PEBP1: variants seen among roughly 807,000 people sequenced by gnomAD.
The protein encoded by PEBP1 is phosphatidylethanolamine binding protein 1, also known as phosphatidylethanolamine-binding protein 1.
PEBP1 carries 17 observed loss-of-function variants against 22.7 expected under a neutral mutation model. That is an observed-to-expected ratio of 0.75 (90% CI 0.51 to 1.12). PEBP1 has a LOEUF of 1.12. PEBP1 is among the 50% of genes most tolerant of loss of function. The pLI is 0.00. For missense variants in PEBP1, 205 were observed against 243.5 expected (o/e 0.84, Z 1.05); for synonymous variants, 106 against 104.3 (o/e 1.02, Z -0.10).
rs1166092275 is a variant in PEBP1 at position 118,138,047 on chromosome 12, T to C, written c.144T>C (p.Asn48=). The C allele has an allele frequency of 6.2e-7, 1 of 1,612,030 alleles. No homozygotes were observed. The highest frequency in any genetic ancestry group is 8.5e-7 in the Non-Finnish European group (1 of 1,178,646). ...CTGGTTCCTTCATACAGGTTAAGAA[T>C]AGACCCACCAGCATTTCGTGGGATG... ...GKVLTPTQVK[N]RPTSISWDGL... is the part of the protein sequence containing the mutation. The change falls in exon 2 of 4, where the codon AAT becomes AAC. Residue 48 remains asparagine, a synonymous_variant. Coordinates refer to ENST00000261313, the MANE Select transcript of PEBP1 (RefSeq NM_002567.4).
At chr12:118,142,007 A>G (rs1237410415) in intron 3 of PEBP1, among the ~76,000 whole-genome samples, 1 of 152,036 alleles carries the variant, frequency 6.6e-6, no homozygotes, top group African/African-American at 2.4e-5. Flanking sequence ...TTCTAGGACT[A>G]TTTAGCTTTG....
intron 3 of PEBP1, among the ~76,000 whole-genome samples, chr12:118,143,972 A>C (rs2034135071): frequency 6.6e-6 from 1 of 152,070 alleles, no homozygotes; most frequent in African/African-American, 2.4e-5. Flanking sequence ...CATCCAGTAC[A>C]TCATTGAAGC....
At position 118,144,900 on chromosome 12, in the gene PEBP1, C is replaced by A; in HGVS notation, c.*97C>A. On this transcript the variant is annotated 3_prime_UTR_variant, in exon 4 of 4. Coordinates refer to ENST00000261313, the MANE Select transcript of PEBP1 (RefSeq NM_002567.4). ...AATAGATTTCTCCTCTTCCTGCCCC[C>A]CTTGGCATGGGTGAGACCTGACCAG... The A allele has an allele frequency of 5.0e-6, 8 of 1,585,410 alleles. No individual in the cohort carries two copies. The highest frequency in any genetic ancestry group is 6.8e-6 in the Non-Finnish European group (8 of 1,171,866).
At chr12:118,140,446 T>C (rs1050241951) in intron 3 of PEBP1, among the ~76,000 whole-genome samples, 10 of 152,174 alleles carry the variant, frequency 6.6e-5, no homozygotes, top group African/African-American at 2.4e-4. Flanking sequence ...CCCAGGGACC[T>C]AGTAAGTTCT....
In PEBP1 at chr12:118,145,468, G is replaced by C. The variant is rs1270673174; in HGVS notation, c.*665G>C. The C allele has an allele frequency of 6.3e-6, 1 of 157,494 alleles. No individual in the cohort carries two copies. The highest frequency in any genetic ancestry group is 2.4e-5 in the African/African-American group (1 of 41,464). 9.8% of individuals were successfully genotyped at this position (157,494 alleles called of 1,614,324 possible). On this transcript the variant is annotated 3_prime_UTR_variant, in exon 4 of 4. Coordinates refer to ENST00000261313, the MANE Select transcript of PEBP1 (RefSeq NM_002567.4). Reference sequence around the variant, plus strand: ...CAGCTTGGGAGGAAACCTGAGATCTGTGTTTTTTAAATTGATCGTTCTTCA... The same window carrying C: ...CAGCTTGGGAGGAAACCTGAGATCTCTGTTTTTTAAATTGATCGTTCTTCA...
Position 118,136,809 on chromosome 12 carries a change from T to C in PEBP1, c.135+465T>C, listed in dbSNP as rs1436452806. ...CTGTGACGCATTATGTAACTGGCGATGAGCGCGCCGGCCGATTTCTCCTTT... is the reference window on the plus strand; with the variant it reads ...CTGTGACGCATTATGTAACTGGCGACGAGCGCGCCGGCCGATTTCTCCTTT... On this transcript the variant is annotated intron_variant, in intron 1 of 3. Coordinates refer to ENST00000261313, the MANE Select transcript of PEBP1 (RefSeq NM_002567.4). This position sits in a 1 kb window ranked among gnomAD's most constrained non-coding sequence, Gnocchi z 5.6. Among the ~76,000 whole-genome samples the C allele has an allele frequency of 6.6e-6, 1 of 152,132 alleles. No homozygotes were observed.
Position 118,145,131 on chromosome 12 carries a change from G to A in PEBP1, c.*328G>A. 2 of 414,356 alleles carry A rather than the reference G, an allele frequency of 4.8e-6. No homozygotes were observed. Among genetic ancestry groups the A allele is most frequent in the East Asian group, 7.6e-5 (1 of 13,160 alleles). 25.7% of individuals were successfully genotyped at this position (414,356 alleles called of 1,614,324 possible). A position where few individuals can be genotyped will look rare whatever the true frequency, so the allele number is the denominator to read the frequency against. ...GGGGGAAAAAGACCAGGTCTACAGT[G>A]ATAGAGCAAAGCATCAAAGAATCTT... On this transcript the variant is annotated 3_prime_UTR_variant, in exon 4 of 4. Coordinates refer to ENST00000261313, the MANE Select transcript of PEBP1 (RefSeq NM_002567.4).
chr12:118,137,996 A>G, intron 1 of PEBP1, 43 bp from the exon 2 acceptor site: 2 of 1,365,520 alleles, frequency 1.5e-6, no homozygotes, highest in Non-Finnish European at 2.1e-6. Flanking sequence ...CAGTTTCTTC[A>G]GCATTTCTGA....
chr12:118,137,162 T>C (rs755676348), intron 1 of PEBP1, among the ~76,000 whole-genome samples: 5 of 152,186 alleles, frequency 3.3e-5, no homozygotes, highest in African/African-American at 4.8e-5. Flanking sequence ...GTACAGTTAA[T>C]GCAGATTTCA....
rs529163306 is a variant in PEBP1, at chr12:118,139,397, A to G, written c.246-54A>G. 147 of 1,198,128 alleles carry G rather than the reference A, an allele frequency of 1.2e-4. No individual in the cohort carries two copies. In the African/African-American group the frequency reaches 2.0e-3, roughly 16 times the overall value. The allele number at this position is 1,198,128 out of a possible 1,614,324, so 74.2% of individuals were successfully genotyped here. A position where few individuals can be genotyped will look rare whatever the true frequency, so the allele number is the denominator to read the frequency against. ...CTTGATGCCCAGTTGCTGACTGTGCAGTGAATGTTCCCTGATCTCCTGTGG... is the reference window on the plus strand; with the variant it reads ...CTTGATGCCCAGTTGCTGACTGTGCGGTGAATGTTCCCTGATCTCCTGTGG... On this transcript the variant is annotated intron_variant, in intron 2 of 3. Coordinates refer to ENST00000261313, the MANE Select transcript of PEBP1 (RefSeq NM_002567.4).
At chr12:118,143,762 G>A (rs1398555367) in intron 3 of PEBP1, among the ~76,000 whole-genome samples, 2 of 151,920 alleles carry the variant, frequency 1.3e-5, no homozygotes, top group Non-Finnish European at 2.9e-5. Flanking sequence ...AAACATAACT[G>A]GGCGTGGTGG....
chr12:118,141,038 A>G (rs2936840), intron 3 of PEBP1, among the ~76,000 whole-genome samples: 116,341 of 152,038 alleles, frequency 0.77, 45,124 homozygotes, highest in East Asian at 0.92. Flanking sequence ...GCCCAACGAC[A>G]TTCTCATGTG....
chr12:118,138,798 C>T (rs2034089153), intron 2 of PEBP1, among the ~76,000 whole-genome samples: 2 of 152,130 alleles, frequency 1.3e-5, no homozygotes, highest in South Asian at 2.1e-4. Flanking sequence ...CATCAGTTAA[C>T]GTTTTATTGG....
intron 1 of PEBP1, among the ~76,000 whole-genome samples, chr12:118,137,365 G>A (rs2034073536): frequency 6.6e-6 from 1 of 152,116 alleles, no homozygotes; most frequent in East Asian, 1.9e-4. Flanking sequence ...ATACAGCCTG[G>A]GCAACATAGC....
At position 118,144,727 on chromosome 12, in the gene PEBP1, C is replaced by T. The variant is rs760854098; in HGVS notation, c.488C>T (p.Pro163Leu). 2.8e-5 allele frequency: 45 copies of T among 1,613,976 alleles called. 1 individual carries two copies. Among genetic ancestry groups the T allele is most frequent in the South Asian group, 7.7e-5 (7 of 91,082 alleles). The change falls in exon 4 of 4, where the codon CCG becomes CTG. Residue 163 changes from proline (P) to leucine (L), a missense_variant. Coordinates refer to ENST00000261313, the MANE Select transcript of PEBP1 (RefSeq NM_002567.4). ...SFRKKYELRAPVAGTCYQAEW... is the reference protein window; with the variant it reads ...SFRKKYELRALVAGTCYQAEW... Reference sequence around the variant, plus strand: ...CGTAAAAAGTATGAGCTCAGGGCCCCGGTGGCTGGCACGTGTTACCAGGCC... The same window carrying T: ...CGTAAAAAGTATGAGCTCAGGGCCCTGGTGGCTGGCACGTGTTACCAGGCC...
chr12:118,144,615 G>T lies in PEBP1; in HGVS notation c.376G>T (p.Glu126Ter), dbSNP rs768309207. The T allele has an allele frequency of 6.2e-7, 1 of 1,613,626 alleles. No individual in the cohort carries two copies. The highest frequency in any genetic ancestry group is 8.5e-7 in the Non-Finnish European group (1 of 1,179,920). Residue 126 changes from glutamate (E) to a stop codon, truncating the protein, a stop_gained, in exon 4 of 4, where the codon GAG becomes TAG. Coordinates refer to ENST00000261313, the MANE Select transcript of PEBP1 (RefSeq NM_002567.4). LOFTEE classifies it high-confidence loss of function. ...CCACCGCTATGTCTGGCTGGTTTACGAGCAGGACAGGCCGCTAAAGTGTGA... is the reference window on the plus strand; with the variant it reads ...CCACCGCTATGTCTGGCTGGTTTACTAGCAGGACAGGCCGCTAAAGTGTGA... ...GLHRYVWLVY[E>*]QDRPLKCDEP...
chr12:118,138,643 G>A (rs1035525620), intron 2 of PEBP1, among the ~76,000 whole-genome samples: 7 of 151,922 alleles, frequency 4.6e-5, no homozygotes, highest in Middle Eastern at 3.4e-3. Context: ...TGATCTGCCC[G>A]CCTCAGTCTC....
Position 118,144,606 on chromosome 12 carries a change from C to T in PEBP1, c.367C>T (p.Leu123=). The T allele has an allele frequency of 1.2e-6, 2 of 1,613,574 alleles. No homozygotes were observed. The highest frequency in any genetic ancestry group is 1.7e-6 in the Non-Finnish European group (2 of 1,179,792). ...KGTGLHRYVW[L]VYEQDRPLKC... ...CACAGGCCTCCACCGCTATGTCTGG[C>T]TGGTTTACGAGCAGGACAGGCCGCT... The change falls in exon 4 of 4, where the codon CTG becomes TTG. Residue 123 remains leucine (L), a synonymous_variant. Transcript: ENST00000261313.
rs990963042 is a variant in PEBP1 at position 118,136,808 on chromosome 12, A to T, written c.135+464A>T. Among the ~76,000 whole-genome samples the T allele has an allele frequency of 1.3e-5, 2 of 152,168 alleles. No individual in the cohort carries two copies. The highest frequency in any genetic ancestry group is 2.4e-5 in the African/African-American group (1 of 41,456). ...CCTGTGACGCATTATGTAACTGGCGATGAGCGCGCCGGCCGATTTCTCCTT... is the reference window on the plus strand; with the variant it reads ...CCTGTGACGCATTATGTAACTGGCGTTGAGCGCGCCGGCCGATTTCTCCTT... On this transcript the variant is annotated intron_variant, in intron 1 of 3. Transcript: ENST00000261313. The surrounding 1 kb of genome is among the most constrained non-coding windows in gnomAD (Gnocchi z 5.6).
Sources: gnomAD v4.1 joint callset for allele counts (sites outside exome capture counted in the v4.1 genomes callset) on GRCh38, gnomAD v4.1.1 for gene constraint, Gnocchi (gnomAD v3.1) non-coding constraint, MANE v1.5 for transcripts, NCBI Gene and HGNC (gene_info 2026-07-23, HGNC 2026-07-21) for gene names.